The following INSR variants were observed in gnomAD, a reference collection of about 807,000 sequenced individuals.
INSR encodes IR.
Under a neutral mutation model 142.6 loss-of-function variants are expected in INSR, and 67 were observed. That is an observed-to-expected ratio of 0.47 (90% CI 0.39 to 0.58). INSR has a LOEUF of 0.58. INSR is among the 20% of genes least tolerant of loss of function. The pLI, the probability that INSR is intolerant of heterozygous loss-of-function variation, is 0.00. For missense variants in INSR, 1,248 were observed against 1,833.2 expected (o/e 0.68, Z 5.83); for synonymous variants, 756 against 743.1 (o/e 1.02, Z -0.28).
intron 2 of INSR, among the ~76,000 whole-genome samples, chr19:7,198,396 C>T (rs540629105): frequency 1.3e-5 from 2 of 152,230 alleles, no homozygotes; most frequent in African/African-American, 2.4e-5. Flanking sequence ...GTCGAGTCTG[C>T]CACGGATGGA....
At chr19:7,288,683 C>A (rs1968408650) in intron 1 of INSR, among the ~76,000 whole-genome samples, 1 of 145,522 alleles carries the variant, frequency 6.9e-6, no homozygotes, top group Non-Finnish European at 1.5e-5. Context: ...AAAAAAAGGG[C>A]CGGACACGGT....
chr19:7,185,818 G>T (rs1974411197), intron 2 of INSR, among the ~76,000 whole-genome samples: 1 of 98,820 alleles, frequency 1.0e-5, no homozygotes, highest in African/African-American at 3.5e-5. Context: ...ACTCCAGCCT[G>T]GGCAACAAGT....
At chr19:7,129,418 G>A (rs544376539) in intron 14 of INSR, among the ~76,000 whole-genome samples, 30 of 152,160 alleles carry the variant, frequency 2.0e-4, no homozygotes, top group African/African-American at 7.0e-4. Flanking sequence ...TCCTCCTTTC[G>A]GGTTCAAGTG....
At position 7,112,487 on chromosome 19, in the gene INSR, G is replaced by T. The variant is rs1379501842; in HGVS notation, c.*4569C>A. On this transcript the variant is annotated 3_prime_UTR_variant, in exon 22 of 22. Coordinates refer to ENST00000302850, the MANE Select transcript of INSR (RefSeq NM_000208.4). Reference sequence around the variant, plus strand: ...TTTGATCCTGCGTTGCCAACGCACAGGGCCGAGGCCACCCAGGCACACAAA... The same window carrying T: ...TTTGATCCTGCGTTGCCAACGCACATGGCCGAGGCCACCCAGGCACACAAA... 1 of 152,200 alleles carries T rather than the reference G, an allele frequency of 6.6e-6. No individual in the cohort carries two copies. Among genetic ancestry groups the T allele is most frequent in the East Asian group, 1.9e-4 (1 of 5,188 alleles). The allele number at this position is 152,200 out of a possible 1,614,324, so 9.4% of individuals were successfully genotyped here.
At chr19:7,211,495 G>T (rs188956443) in intron 2 of INSR, among the ~76,000 whole-genome samples, 8 of 152,298 alleles carry the variant, frequency 5.3e-5, no homozygotes, top group Admixed American at 5.2e-4. Flanking sequence ...TGAAAAGGAC[G>T]TGCATTCCAC....
chr19:7,219,460 G>C (rs988875266), intron 2 of INSR, among the ~76,000 whole-genome samples: 1 of 143,684 alleles, frequency 7.0e-6, no homozygotes, highest in African/African-American at 2.5e-5. Flanking sequence ...AAAGAAGAGA[G>C]AGAGAGAGAG....
rs774172143 is a variant in INSR, at chr19:7,136,202, C to T, written c.2683-3885G>A. Among the ~76,000 whole-genome samples, 65 of 152,096 alleles carry T rather than the reference C, an allele frequency of 4.3e-4. 1 individual carries two copies. The highest frequency in any genetic ancestry group is 7.2e-4 in the Admixed American group (11 of 15,264). On this transcript the variant is annotated intron_variant, in intron 13 of 21. Transcript: ENST00000302850. ...ATTTGGGGCTGAGTTTTGTGTTTTG[C>T]CCTGGTACCAGGCTGGGGTTGAGAG...
intron 1 of INSR, among the ~76,000 whole-genome samples, chr19:7,285,842 A>T (rs1050520547): frequency 1.2e-4 from 18 of 152,240 alleles, no homozygotes; most frequent in South Asian, 8.3e-4. Context: ...TAAAGGGGTG[A>T]ATTGAGGGAG....
chr19:7,142,733 A>C, intron 12 of INSR, 83 bp downstream of exon 12: 1 of 1,508,528 alleles, frequency 6.6e-7, no homozygotes, highest in East Asian at 2.3e-5. Context: ...ACAGATATGC[A>C]CTGCTTAGAG....
At chr19:7,157,278 A>AT (rs918924712) in intron 9 of INSR, among the ~76,000 whole-genome samples, 85 of 115,670 alleles carry the variant, frequency 7.3e-4, no homozygotes, top group Middle Eastern at 0.014. Flanking sequence ...TGCGCCTGGC[A>AT]TTTTTTTTGT....
At chr19:7,200,859 C>CAAAAAA (rs59770137) in intron 2 of INSR, among the ~76,000 whole-genome samples, 9 of 76,292 alleles carry the variant, frequency 1.2e-4, no homozygotes, top group African/African-American at 4.2e-4. Flanking sequence ...GACCTTATCT[C>CAAAAAA]AAAAAAAAAA....
At chr19:7,241,169 T>A (rs2145150225) in intron 2 of INSR, among the ~76,000 whole-genome samples, 1 of 123,202 alleles carries the variant, frequency 8.1e-6, no homozygotes, top group African/African-American at 3.0e-5. Context: ...CACTTTTTAT[T>A]TTATTTTGTT....
At position 7,225,288 on chromosome 19, in the gene INSR, T is replaced by C. The variant is rs1452473913; in HGVS notation, c.653-40651A>G. On this transcript the variant is annotated intron_variant, in intron 2 of 21. Transcript: ENST00000302850. The surrounding 1 kb of genome is among the most constrained non-coding windows in gnomAD (Gnocchi z 4.7). ...AATGTTACTGTGGGCCAGTTGCCGT[T>C]ATAGGTGTAAGATGATTCCTCAGGG... Among the ~76,000 whole-genome samples the C allele has an allele frequency of 6.6e-6, 1 of 152,126 alleles. No homozygotes were observed. The highest frequency in any genetic ancestry group is 1.5e-5 in the Non-Finnish European group (1 of 68,022).
At chr19:7,148,955 C>T (rs895821475) in intron 11 of INSR, among the ~76,000 whole-genome samples, 5 of 150,642 alleles carry the variant, frequency 3.3e-5, no homozygotes, top group African/African-American at 7.3e-5. Flanking sequence ...TCACCACGCC[C>T]GGCTAATTTT....
chr19:7,167,952 T>C lies in INSR; in HGVS notation c.1610+16A>G. ...AGCCCTCGCCTCCTCAGCGTCTCTC[T>C]AACTCTTCTACTTACGCCTCTTTGT... is the stretch of plus-strand genomic sequence containing the variant. On this transcript the variant is annotated intron_variant, in intron 7 of 21. Transcript: ENST00000302850. 1 of 1,613,828 alleles carries C rather than the reference T, an allele frequency of 6.2e-7. No homozygotes were observed.
At chr19:7,136,532 G>A (rs531466651) in intron 13 of INSR, among the ~76,000 whole-genome samples, 2 of 152,082 alleles carry the variant, frequency 1.3e-5, no homozygotes, top group East Asian at 3.9e-4. Context: ...CCATGCCTTT[G>A]ACTGGCCCGT....
At chr19:7,163,925 TAAAAAAAA>T (rs748862314) in intron 8 of INSR, among the ~76,000 whole-genome samples, 1 of 44,588 alleles carries the variant, frequency 2.2e-5, no homozygotes, top group African/African-American at 1.2e-4. Context: ...CTATCTCTAC[TAAAAAAAA>T]AAAAAAAAAA....
chr19:7,224,566 C>T (rs1334987108), intron 2 of INSR, among the ~76,000 whole-genome samples: 2 of 152,164 alleles, frequency 1.3e-5, no homozygotes, highest in East Asian at 3.9e-4. Context: ...CTCCAGGTGA[C>T]CAAGCCACAT....
At chr19:7,235,826 C>G (rs1040307078) in intron 2 of INSR, among the ~76,000 whole-genome samples, 12 of 151,724 alleles carry the variant, frequency 7.9e-5, no homozygotes, top group African/African-American at 2.9e-4. Flanking sequence ...GATCCTATCT[C>G]TAAAAATAAT....
Sources: allele counts gnomAD v4.1 joint callset (sites outside exome capture counted in the v4.1 genomes callset), GRCh38; gene constraint gnomAD v4.1.1; non-coding constraint Gnocchi (gnomAD v3.1); transcripts MANE v1.5; gene names NCBI Gene and HGNC (gene_info 2026-07-23, HGNC 2026-07-21).